CENPU: variants seen among roughly 807,000 people sequenced by gnomAD.
The protein encoded by CENPU is KSHV latent nuclear antigen interacting protein 1.
A neutral mutation model predicts 56.7 loss-of-function variants in CENPU; 46 were observed. That is an observed-to-expected ratio of 0.81 (90% CI 0.64 to 1.04). The LOEUF (loss-of-function observed/expected upper bound fraction) is 1.04, where lower values mean the gene tolerates loss of function less well. CENPU is among the 50% of genes least tolerant of loss of function. The probability of loss-of-function intolerance (pLI) is 0.00; values close to 1 mark genes in which losing one functional copy is unlikely to be tolerated. For missense variants in CENPU, 510 were observed against 490.1 expected (o/e 1.04, Z -0.38); for synonymous variants, 166 against 163.0 (o/e 1.02, Z -0.14).
At chr4:184,730,742 A>T (rs1441896395) in intron 2 of CENPU, among the ~76,000 whole-genome samples, 178 bp downstream of exon 2, 1 of 152,150 alleles carries the variant, frequency 6.6e-6, no homozygotes, top group Non-Finnish European at 1.5e-5. Context: ...AAATTCTAAA[A>T]CATTAACAAA....
intron 1 of CENPU, 128 bp downstream of exon 1, chr4:184,733,888 G>T: frequency 8.0e-7 from 1 of 1,248,062 alleles, no homozygotes; most frequent in Non-Finnish European, 1.2e-6. Flanking sequence ...GGGGACCCGG[G>T]CGATTGGCCA....
At chr4:184,701,916 C>A (rs189777448) in intron 10 of CENPU, among the ~76,000 whole-genome samples, 173 bp downstream of exon 10, 8 of 152,210 alleles carry the variant, frequency 5.3e-5, no homozygotes, top group Admixed American at 3.9e-4. Context: ...CCATTCCTTA[C>A]CTTGCATTAA....
rs1760390819 is a variant in CENPU at position 184,697,821 on chromosome 4, G to A, written c.987-18C>T. 1.9e-6 allele frequency: 3 copies of A among 1,579,492 alleles called. No individual in the cohort carries two copies. The highest frequency in any genetic ancestry group is 4.5e-5 in the East Asian group (2 of 44,676). ...GCTCTAACCTAAAACAAAAATAAGT[G>A]ACAAATAATAAAATGTACCAGCCTA... On this transcript the variant is annotated intron_variant, in intron 11 of 12. Transcript: ENST00000281453.
chr4:184,696,551 T>G (rs1224111034), intron 12 of CENPU, among the ~76,000 whole-genome samples: 1 of 152,168 alleles, frequency 6.6e-6, no homozygotes, highest in East Asian at 1.9e-4. Flanking sequence ...AAAATACCTT[T>G]AAAAGCATTC....
intron 1 of CENPU, chr4:184,733,496 T>G: frequency 1.2e-6 from 1 of 858,966 alleles, no homozygotes; most frequent in Non-Finnish European, 1.4e-6. Context: ...AACGCTCGCT[T>G]TCTTTGGTAA....
intron 7 of CENPU, among the ~76,000 whole-genome samples, chr4:184,711,670 T>TATAA (rs1426086587): frequency 1.3e-5 from 2 of 152,094 alleles, no homozygotes; most frequent in Non-Finnish European, 2.9e-5. Context: ...CTGGTAGGAG[T>TATAA]ATAAAACTAT....
Position 184,694,885 on chromosome 4 carries a change from C to A in CENPU, c.*403G>T. 3 of 1,005,396 alleles carry A rather than the reference C, an allele frequency of 3.0e-6. No individual in the cohort carries two copies. The highest frequency in any genetic ancestry group is 4.3e-6 in the Non-Finnish European group (3 of 703,602). The allele number at this position is 1,005,396 out of a possible 1,614,324, so 62.3% of individuals were successfully genotyped here. The stretch of plus-strand genomic sequence containing the variant: ...TGTTTATATAAACTAAGTTTTATTA[C>A]TTTGCTTTCCAATTTTTGTTTTTTA... On this transcript the variant is annotated 3_prime_UTR_variant, in exon 13 of 13. Coordinates refer to ENST00000281453, the MANE Select transcript of CENPU (RefSeq NM_024629.4).
chr4:184,717,099 T>A (rs2150219237), intron 5 of CENPU, 37 bp downstream of exon 5: 1 of 1,401,222 alleles, frequency 7.1e-7, no homozygotes, highest in African/African-American at 1.4e-5. Flanking sequence ...CAAACTATAT[T>A]ACAAATTAAA....
intron 12 of CENPU, among the ~76,000 whole-genome samples, chr4:184,697,439 C>G (rs1760377072): frequency 6.7e-6 from 1 of 150,340 alleles, no homozygotes; most frequent in Non-Finnish European, 1.5e-5. Context: ...ATCAGCAATT[C>G]TAGACATTAC....
chr4:184,711,343 A>G (rs949326886), intron 7 of CENPU, among the ~76,000 whole-genome samples: 1 of 152,130 alleles, frequency 6.6e-6, no homozygotes, highest in African/African-American at 2.4e-5. Flanking sequence ...GTTTCAATAC[A>G]TGTATGTATT....
chr4:184,715,987 C>A (rs1330802807), intron 6 of CENPU, among the ~76,000 whole-genome samples: 1 of 150,298 alleles, frequency 6.7e-6, no homozygotes, highest in Non-Finnish European at 1.5e-5. Context: ...GGCTGGAGTG[C>A]AATGGCGCAA....
intron 4 of CENPU, 62 bp from the exon 5 acceptor site, chr4:184,717,258 C>G (rs1440718204): frequency 8.2e-7 from 1 of 1,216,314 alleles, no homozygotes; most frequent in Non-Finnish European, 1.2e-6. Context: ...CATGTCTTCT[C>G]TAACTTGCTC....
intron 3 of CENPU, among the ~76,000 whole-genome samples, chr4:184,728,579 C>T (rs1160939488): frequency 3.9e-5 from 6 of 152,214 alleles, no homozygotes; most frequent in Non-Finnish European, 8.8e-5. Context: ...ATTACCCATA[C>T]TCTTCTCCTC....
At chr4:184,731,924 GC>G (rs1761663394) in intron 1 of CENPU, among the ~76,000 whole-genome samples, 1 of 71,418 alleles carries the variant, frequency 1.4e-5, no homozygotes, top group South Asian at 5.1e-4. Context: ...GAGATACTGT[GC>G]ACTTCCACCC....
intron 11 of CENPU, among the ~76,000 whole-genome samples, chr4:184,698,651 T>C (rs896150054): frequency 1.3e-5 from 2 of 152,270 alleles, no homozygotes; most frequent in East Asian, 1.9e-4. Context: ...GGTTTCACCA[T>C]GTTGGCCAGG....
chr4:184,695,046 G>A lies in CENPU; in HGVS notation c.*242C>T. 8 of 532,504 alleles carry A rather than the reference G, an allele frequency of 1.5e-5. No homozygotes were observed. Among genetic ancestry groups the A allele is most frequent in the Non-Finnish European group, 2.7e-5 (8 of 299,992 alleles). 33.0% of individuals were successfully genotyped at this position (532,504 alleles called of 1,614,324 possible). ...ATAGCTCATACCTGGGACCGATTAAGGTGTCAACATTTTAAAATTACTCAA... is the reference window on the plus strand; with the variant it reads ...ATAGCTCATACCTGGGACCGATTAAAGTGTCAACATTTTAAAATTACTCAA... On this transcript the variant is annotated 3_prime_UTR_variant, in exon 13 of 13. Transcript: ENST00000281453.
chr4:184,701,184 A>AT (rs1760523121), intron 10 of CENPU, among the ~76,000 whole-genome samples: 2 of 152,244 alleles, frequency 1.3e-5, no homozygotes, highest in East Asian at 3.9e-4. Context: ...AAGTGAGGAG[A>AT]TTTTATCTAG....
At position 184,724,269 on chromosome 4, in the gene CENPU, A is replaced by AAAAAC. The variant is rs564331347; in HGVS notation, c.320+687_320+688insGTTTT. Among the ~76,000 whole-genome samples the AAAAAC allele has an allele frequency of 8.3e-4, 126 of 152,294 alleles. 1 individual carries two copies. Among genetic ancestry groups the AAAAAC allele is most frequent in the African/African-American group, 2.7e-3 (114 of 41,534 alleles). On this transcript the variant is annotated intron_variant, in intron 4 of 12. Coordinates refer to ENST00000281453, the MANE Select transcript of CENPU (RefSeq NM_024629.4). ...CAACAGAGCAAGACTCCATCTCAAAAAAACAAACAAACAAACAACCAAACA... is the reference window on the plus strand; with the variant it reads ...CAACAGAGCAAGACTCCATCTCAAAAAAAACAAACAAACAAACAAACAACCAAACA...
At chr4:184,715,152 G>A (rs1761047271) in intron 6 of CENPU, among the ~76,000 whole-genome samples, 1 of 152,194 alleles carries the variant, frequency 6.6e-6, no homozygotes, top group Non-Finnish European at 1.5e-5. Context: ...TGTTTAGCAG[G>A]TGGAAAGGTG....
Sources: gnomAD v4.1 joint callset for allele counts (sites outside exome capture counted in the v4.1 genomes callset) on GRCh38, gnomAD v4.1.1 for gene constraint, MANE v1.5 for transcripts, NCBI Gene and HGNC (gene_info 2026-07-23, HGNC 2026-07-21) for gene names.